Variants in ARHGAP11B observed in about 807,000 individuals in gnomAD.
ARHGAP11B encodes the protein Rho GTPase activating protein 11B.
A neutral mutation model predicts 27.6 loss-of-function variants in ARHGAP11B; 14 were observed. The ratio of observed to expected loss-of-function variants is 0.51; its 90% CI spans 0.34 to 0.79. The LOEUF (loss-of-function observed/expected upper bound fraction) is 0.79. Among genes scored for constraint, ARHGAP11B ranks in the 30% least tolerant of loss-of-function variants. ARHGAP11B has a pLI of 0.02. For synonymous variants in ARHGAP11B, 82 were observed against 114.1 expected (o/e 0.72, Z 1.80); for missense variants, 245 against 320.1 (o/e 0.77, Z 1.79).
chr15:30,645,598 G>A (rs914531939), intron 8 of ARHGAP11B, among the ~76,000 whole-genome samples: 1 of 151,918 alleles, frequency 6.6e-6, no homozygotes, highest in African/African-American at 2.4e-5. Flanking sequence ...CCAAAAATAT[G>A]TTAATTTTAG....
At chr15:30,632,342 G>A (rs1477609430) in intron 2 of ARHGAP11B, among the ~76,000 whole-genome samples, 37 of 146,656 alleles carry the variant, frequency 2.5e-4, no homozygotes, top group Non-Finnish European at 5.1e-4. Flanking sequence ...GATCACTTGC[G>A]CCCAGGAGGC....
chr15:30,631,223 G>C (rs1043771847), intron 2 of ARHGAP11B, among the ~76,000 whole-genome samples: 28 of 151,526 alleles, frequency 1.8e-4, no homozygotes, highest in Non-Finnish European at 3.8e-4. Context: ...TTAAAGTCCA[G>C]TAATGAGTAA....
intron 6 of ARHGAP11B, among the ~76,000 whole-genome samples, chr15:30,636,813 A>T (rs538991562): frequency 6.6e-6 from 1 of 152,096 alleles, no homozygotes; most frequent in Non-Finnish European, 1.5e-5. Flanking sequence ...CGTCACTCCA[A>T]TCCCTGCCTA....
chr15:30,629,911 G>A (rs1452077678), intron 1 of ARHGAP11B, among the ~76,000 whole-genome samples: 4 of 152,070 alleles, frequency 2.6e-5, no homozygotes, highest in African/African-American at 9.7e-5. Context: ...TTGCCTTTCA[G>A]TGCTGTGGAA....
At chr15:30,627,038 C>T (rs1048595239) in intron 1 of ARHGAP11B, 89 bp downstream of exon 1, 6 of 1,559,328 alleles carry the variant, frequency 3.8e-6, no homozygotes, top group African/African-American at 2.7e-5. Flanking sequence ...AATGTTCACT[C>T]TGTGTATCAA....
chr15:30,628,254 G>C (rs927490788), intron 1 of ARHGAP11B, among the ~76,000 whole-genome samples: 13 of 151,612 alleles, frequency 8.6e-5, no homozygotes, highest in Non-Finnish European at 1.9e-4. Flanking sequence ...CTAATTTTTT[G>C]TATTTTTTAG....
exon 1 of ARHGAP11B, chr15:30,626,880 T>A (rs1346208814): frequency 6.2e-7 from 1 of 1,613,144 alleles, no homozygotes; most frequent in African/African-American, 1.3e-5. Context: ...CCTTCTATGG[T>A]ATTAAGGTGA....
chr15:30,634,493 AT>A lies in ARHGAP11B; in HGVS notation c.551+71del. The A allele has an allele frequency of 2.7e-6, 4 of 1,467,854 alleles. No homozygotes were observed. In the South Asian group the frequency reaches 5.1e-5, roughly 19 times the overall value. The allele number at this position is 1,467,854 out of a possible 1,614,324, so 90.9% of individuals were successfully genotyped here. A position where few individuals can be genotyped will look rare whatever the true frequency, so the allele number is the denominator to read the frequency against. On this transcript the variant is annotated intron_variant, in intron 4 of 10. Transcript: ENST00000428041. ...CAACTAACGTTTTATGCTTGTAGAT[AT>A]GTACAATTTCATTTGGAATGGAAAT...
At chr15:30,646,087 A>T in intron 8 of ARHGAP11B, 1 of 689,974 alleles carries the variant, frequency 1.4e-6, no homozygotes, top group Non-Finnish European at 1.9e-6. Context: ...TCATCATCAT[A>T]CTTCTGTTAT....
intron 1 of ARHGAP11B, 123 bp from the exon 2 acceptor site, chr15:30,630,580 T>C: frequency 6.6e-7 from 1 of 1,519,642 alleles, no homozygotes; most frequent in Non-Finnish European, 8.9e-7. Flanking sequence ...TTGTCTTGAT[T>C]GATAGTTTAT....
At chr15:30,646,968 TCAAAA>T (rs1046727180) in intron 9 of ARHGAP11B, among the ~76,000 whole-genome samples, 3 of 151,912 alleles carry the variant, frequency 2.0e-5, no homozygotes, top group African/African-American at 7.2e-5. Context: ...AAACTCCATC[TCAAAA>T]CAAAACAAAA....
At chr15:30,638,643 G>A (rs1056610172) in intron 6 of ARHGAP11B, 103 bp from the exon 7 acceptor site, 5 of 584,998 alleles carry the variant, frequency 8.5e-6, no homozygotes, top group South Asian at 7.4e-5. Flanking sequence ...TTTATAAGCC[G>A]ATGTAAAGTT....
In ARHGAP11B at chr15:30,644,300, G is replaced by A. The variant is rs554410320; in HGVS notation, c.*79-339G>A. 2.2e-4 allele frequency among the ~76,000 whole-genome samples: 34 copies of A among 152,112 alleles called. 1 individual carries two copies. The highest frequency in any genetic ancestry group is 4.6e-4 in the Admixed American group (7 of 15,258). On this transcript the variant is annotated intron_variant, in intron 7 of 10. Transcript: ENST00000428041. ...ATTTTTGTATCCCCCTTAGCACTTG[G>A]CATAGAGCCTTACCTTGGCACGGTA...
intron 7 of ARHGAP11B, among the ~76,000 whole-genome samples, chr15:30,641,967 CA>C (rs2060318560): frequency 6.6e-6 from 1 of 152,014 alleles, no homozygotes; most frequent in Non-Finnish European, 1.5e-5. Context: ...CTGCCCTCCT[CA>C]GCCTCCCAAA....
chr15:30,635,267 C>T (rs572627526), intron 5 of ARHGAP11B, 79 bp downstream of exon 5: 104 of 1,560,600 alleles, frequency 6.7e-5, no homozygotes, highest in Middle Eastern at 5.1e-4. Context: ...GCATTATTAA[C>T]AGAATTTGTT....
At chr15:30,646,105 C>T (rs771666147) in intron 8 of ARHGAP11B, 37 of 866,172 alleles carry the variant, frequency 4.3e-5, no homozygotes, top group Admixed American at 1.6e-4. Flanking sequence ...TATTTTCTTT[C>T]CTTGGCAGTG....
intron 8 of ARHGAP11B, among the ~76,000 whole-genome samples, chr15:30,645,939 G>C (rs2060344936): frequency 6.6e-6 from 1 of 151,888 alleles, no homozygotes; most frequent in Non-Finnish European, 1.5e-5. Flanking sequence ...ATAAAGAGAT[G>C]GGAAATATAG....
chr15:30,633,744 A>G (rs963157869), intron 3 of ARHGAP11B, among the ~76,000 whole-genome samples, 158 bp downstream of exon 3: 5 of 151,406 alleles, frequency 3.3e-5, no homozygotes, highest in Admixed American at 2.0e-4. Context: ...AAGAAATGGT[A>G]TATTATTTCT....
intron 4 of ARHGAP11B, among the ~76,000 whole-genome samples, chr15:30,634,730 C>T (rs2060267935): frequency 6.6e-6 from 1 of 151,102 alleles, no homozygotes; most frequent in African/African-American, 2.4e-5. Context: ...TCAAAATTTC[C>T]CTCTCCCTGC....
Sources: gnomAD v4.1 joint callset for allele counts (sites outside exome capture counted in the v4.1 genomes callset) on GRCh38, gnomAD v4.1.1 for gene constraint, MANE v1.5 for transcripts, NCBI Gene and HGNC (gene_info 2026-07-23, HGNC 2026-07-21) for gene names.